Variants in PITPNA observed in about 807,000 individuals in gnomAD.
The protein encoded by PITPNA is phosphatidylinositol transfer protein alpha, also known as phosphatidylinositol transfer protein alpha isoform.
PITPNA carries 13 observed loss-of-function variants against 50.3 expected under a neutral mutation model. That is an observed-to-expected ratio of 0.26 (90% CI 0.17 to 0.41). The LOEUF (loss-of-function observed/expected upper bound fraction) is 0.41. PITPNA is among the 10% of genes least tolerant of loss of function. The pLI, the probability that PITPNA is intolerant of heterozygous loss-of-function variation, is 1.00. For missense variants in PITPNA, 207 were observed against 333.4 expected, an observed-to-expected ratio of 0.62 and a Z score of 2.95; for synonymous variants, 120 against 119.6, an observed-to-expected ratio of 1.00 and a Z score of -0.02.
At chr17:1,536,894 ATTTT>A (rs35841957) in intron 7 of PITPNA, among the ~76,000 whole-genome samples, 1 of 98,306 alleles carries the variant, frequency 1.0e-5, no homozygotes, top group Non-Finnish European at 2.0e-5. Context: ...TGTCCGGCCG[ATTTT>A]TTTTTTTTTT....
At position 1,519,583 on chromosome 17, in the gene PITPNA, A is replaced by T. The variant is rs775007743; in HGVS notation, c.*978T>A. 6.6e-6 allele frequency: 1 copy of T among 152,660 alleles called. No individual in the cohort carries two copies. The highest frequency in any genetic ancestry group is 1.5e-5 in the Non-Finnish European group (1 of 68,052). 9.5% of individuals were successfully genotyped at this position (152,660 alleles called of 1,614,324 possible). On this transcript the variant is annotated 3_prime_UTR_variant, in exon 12 of 12. Transcript: ENST00000313486. ...TTGCATGCTCATATTGTGCAGCATG[A>T]AAGATCAGGACTCTTGCTTCCTAAC...
rs1469397913 is a variant in PITPNA, at chr17:1,543,003, C to A, written c.297+17G>T. On this transcript the variant is annotated intron_variant, in intron 5 of 11. Coordinates refer to ENST00000313486, the MANE Select transcript of PITPNA (RefSeq NM_006224.4). ...TTATACATCATCTACAGTTCCAACC[C>A]CCTTGACAATACTTACTGTAATAAC... 12 of 1,578,640 alleles carry A rather than the reference C, an allele frequency of 7.6e-6. No individual in the cohort carries two copies. The highest frequency in any genetic ancestry group is 1.0e-5 in the Non-Finnish European group (12 of 1,162,738).
intron 4 of PITPNA, among the ~76,000 whole-genome samples, chr17:1,543,447 C>T (rs2075658124): frequency 6.6e-6 from 1 of 152,182 alleles, no homozygotes; most frequent in African/African-American, 2.4e-5. Flanking sequence ...GTATCTGCCT[C>T]CTGCACCCTT....
chr17:1,535,230 C>T lies in PITPNA; in HGVS notation c.597G>A (p.Lys199=), dbSNP rs773622870. ...YMCAYKLVTV[K]FKWWGLQNKV... The stretch of plus-strand genomic sequence containing the variant: ...TGTTCTGCAGGCCCCACCACTTGAA[C>T]TTGACGGTCACCAGTTTGTATGCAC... The change falls in exon 9 of 12, where the codon AAG becomes AAA. Residue 199 remains lysine (K), a synonymous_variant. Coordinates refer to ENST00000313486, the MANE Select transcript of PITPNA (RefSeq NM_006224.4). 4 of 1,614,004 alleles carry T rather than the reference C, an allele frequency of 2.5e-6. No homozygotes were observed. The South Asian group carries it at 3.3e-5, about 13-fold the overall frequency.
At chr17:1,560,646 C>G (rs1029598267) in intron 1 of PITPNA, among the ~76,000 whole-genome samples, 4 of 152,202 alleles carry the variant, frequency 2.6e-5, no homozygotes, top group African/African-American at 9.7e-5. Context: ...TCTACAGATT[C>G]TAGGGTTCAT....
rs753673476 is a variant in PITPNA, at chr17:1,558,562, A to G, written c.21-3T>C. ...CAGACACAGGCAGGATTACTCGACT[A>G]TAAGAAAGGGAAAAGAGAGTATCAA... On this transcript the variant is annotated splice_region_variant and splice_polypyrimidine_tract_variant and intron_variant, in intron 1 of 11. Transcript: ENST00000313486. 6.2e-7 allele frequency: 1 copy of G among 1,600,664 alleles called. No individual in the cohort carries two copies. Among genetic ancestry groups the G allele is most frequent in the South Asian group, 1.1e-5 (1 of 90,134 alleles).
In PITPNA at chr17:1,562,736, G is replaced by A. The variant is rs1226364979; in HGVS notation, c.-176C>T. 4 of 218,212 alleles carry A rather than the reference G, an allele frequency of 1.8e-5. No individual in the cohort carries two copies. Among genetic ancestry groups the A allele is most frequent in the Non-Finnish European group, 3.1e-5 (4 of 127,056 alleles). 13.5% of individuals were successfully genotyped at this position (218,212 alleles called of 1,614,324 possible). A position where few individuals can be genotyped will look rare whatever the true frequency, so the allele number is the denominator to read the frequency against. On this transcript the variant is annotated 5_prime_UTR_variant, in exon 1 of 12. In the 5' UTR this introduces an upstream ATG that the reference lacks. Coordinates refer to ENST00000313486, the MANE Select transcript of PITPNA (RefSeq NM_006224.4). This position sits in a 1 kb window ranked among gnomAD's most constrained non-coding sequence, Gnocchi z 6.4. ...CGCCGGCTCCTGCCGCCCGGGCCTC[G>A]TCGCCTCTCGCGCCGCTGCCGACGC...
chr17:1,559,182 G>A (rs1328914403), intron 1 of PITPNA, among the ~76,000 whole-genome samples: 2 of 152,138 alleles, frequency 1.3e-5, no homozygotes, highest in African/African-American at 4.8e-5. Context: ...CTCGGGGCTG[G>A]ATATTACAAT....
intron 10 of PITPNA, among the ~76,000 whole-genome samples, chr17:1,524,793 G>A (rs950946484): frequency 6.6e-6 from 1 of 151,530 alleles, no homozygotes; most frequent in African/African-American, 2.4e-5. Context: ...AGCTTGCAGT[G>A]AGCTGAGATG....
intron 10 of PITPNA, among the ~76,000 whole-genome samples, chr17:1,526,393 T>A (rs7224930): frequency 0.053 from 8,043 of 152,308 alleles, 254 homozygotes; most frequent in Non-Finnish European, 0.075. Context: ...GGCTGTAGCC[T>A]TTGCTCTAAA....
intron 10 of PITPNA, among the ~76,000 whole-genome samples, chr17:1,530,265 A>G (rs902480409): frequency 6.6e-6 from 1 of 152,186 alleles, no homozygotes; most frequent in Non-Finnish European, 1.5e-5. Flanking sequence ...AATTGGACCA[A>G]ATGACCTTTA....
rs2075496837 is a variant in PITPNA, at chr17:1,519,655, G to C, written c.*906C>G. On this transcript the variant is annotated 3_prime_UTR_variant, in exon 12 of 12. Coordinates refer to ENST00000313486, the MANE Select transcript of PITPNA (RefSeq NM_006224.4). The stretch of plus-strand genomic sequence containing the variant: ...GGGACCTAAGAAAGCACAGAGAAAA[G>C]AGGATTATTGCTGAGTGGCAGCACC... 1 of 152,752 alleles carries C rather than the reference G, an allele frequency of 6.5e-6. No individual in the cohort carries two copies. The highest frequency in any genetic ancestry group is 2.1e-4 in the South Asian group (1 of 4,832). 9.5% of individuals were successfully genotyped at this position (152,752 alleles called of 1,614,324 possible).
intron 10 of PITPNA, among the ~76,000 whole-genome samples, chr17:1,533,064 C>T (rs1448858684): frequency 6.6e-6 from 1 of 152,234 alleles, no homozygotes; most frequent in African/African-American, 2.4e-5. Flanking sequence ...TCACCTGAGG[C>T]CCTGCAGGAG....
At chr17:1,536,610 T>C (rs1251143634) in intron 7 of PITPNA, among the ~76,000 whole-genome samples, 3 of 151,466 alleles carry the variant, frequency 2.0e-5, no homozygotes, top group East Asian at 3.9e-4. Context: ...TTTTATTTTT[T>C]TGAGACAGCA....
At chr17:1,547,624 T>C (rs868264328) in intron 4 of PITPNA, among the ~76,000 whole-genome samples, 17 of 152,068 alleles carry the variant, frequency 1.1e-4, no homozygotes, top group African/African-American at 3.9e-4. Flanking sequence ...CTCTCCAGCC[T>C]AGGCAACAGA....
At chr17:1,530,219 G>A (rs535357576) in intron 10 of PITPNA, among the ~76,000 whole-genome samples, 2 of 152,146 alleles carry the variant, frequency 1.3e-5, no homozygotes, top group Non-Finnish European at 2.9e-5. Context: ...AAGGCTGGTA[G>A]GGAAGCTTCA....
chr17:1,521,350 C>A (rs2075511104), intron 11 of PITPNA, among the ~76,000 whole-genome samples: 1 of 152,042 alleles, frequency 6.6e-6, no homozygotes, highest in African/African-American at 2.4e-5. Flanking sequence ...TATCCACCAC[C>A]CCCTCCCTGT....
chr17:1,523,818 A>G (rs931043668), intron 10 of PITPNA, among the ~76,000 whole-genome samples: 1 of 148,314 alleles, frequency 6.7e-6, no homozygotes, highest in Non-Finnish European at 1.5e-5. Context: ...CACCTGGCTG[A>G]TTTTTTATTT....
intron 8 of PITPNA, 62 bp downstream of exon 8, chr17:1,535,379 C>T (rs776640186): frequency 3.3e-6 from 5 of 1,509,386 alleles, no homozygotes; most frequent in Non-Finnish European, 4.6e-6. Flanking sequence ...TGCCCCTCCT[C>T]CACAGGGAGC....
Sources: gnomAD v4.1 joint callset for allele counts (sites outside exome capture counted in the v4.1 genomes callset) on GRCh38, gnomAD v4.1.1 for gene constraint, Gnocchi (gnomAD v3.1) non-coding constraint, MANE v1.5 for transcripts, NCBI Gene and HGNC (gene_info 2026-07-23, HGNC 2026-07-21) for gene names.